CACNA2D1: variants seen among roughly 807,000 people sequenced by gnomAD.
CACNA2D1 encodes calcium voltage-gated channel auxiliary subunit alpha2delta 1.
CACNA2D1 carries 53 observed loss-of-function variants against 171.5 expected under a neutral mutation model. The observed-to-expected ratio is 0.31, with a 90% CI of 0.25 to 0.39. CACNA2D1 has a LOEUF of 0.39. CACNA2D1 is among the 10% of genes least tolerant of loss of function. CACNA2D1 has a pLI of 1.00. For missense variants in CACNA2D1, 903 were observed against 1,299.8 expected (o/e 0.69, Z 4.69); for synonymous variants, 442 against 443.1 (o/e 1.00, Z 0.03).
At chr7:82,013,116 C>A (rs559562095) in intron 14 of CACNA2D1, among the ~76,000 whole-genome samples, 1 of 151,994 alleles carries the variant, frequency 6.6e-6, no homozygotes, top group East Asian at 1.9e-4. Flanking sequence ...TACACAGTAC[C>A]TACAATTTGA....
intron 4 of CACNA2D1, among the ~76,000 whole-genome samples, chr7:82,152,794 A>G (rs1793993044): frequency 6.6e-6 from 1 of 152,000 alleles, no homozygotes; most frequent in African/African-American, 2.4e-5. Flanking sequence ...TCAAAACTGG[A>G]GTAACTCTTT....
At chr7:82,039,492 T>C (rs1430752335) in intron 10 of CACNA2D1, among the ~76,000 whole-genome samples, 2 of 152,194 alleles carry the variant, frequency 1.3e-5, no homozygotes, top group Non-Finnish European at 2.9e-5. Context: ...TGTAAATCAT[T>C]TCGTCTTTGC....
At chr7:82,082,277 C>G (rs1809893622) in intron 7 of CACNA2D1, among the ~76,000 whole-genome samples, 1 of 151,946 alleles carries the variant, frequency 6.6e-6, no homozygotes, top group Admixed American at 6.6e-5. Context: ...GTCACACTTC[C>G]AAGAAGAATG....
intron 1 of CACNA2D1, among the ~76,000 whole-genome samples, chr7:82,384,193 C>T (rs561428375): frequency 2.6e-5 from 4 of 152,142 alleles, no homozygotes; most frequent in Admixed American, 1.3e-4. Context: ...GGTTTGAATG[C>T]TGTAGACTGA....
At chr7:82,422,901 T>G (rs926713765) in intron 1 of CACNA2D1, among the ~76,000 whole-genome samples, 1 of 151,868 alleles carries the variant, frequency 6.6e-6, no homozygotes, top group African/African-American at 2.4e-5. Context: ...AAAAAAAAAT[T>G]TCCATGCATT....
intron 5 of CACNA2D1, among the ~76,000 whole-genome samples, chr7:82,121,806 A>C (rs1789769180): frequency 6.6e-6 from 1 of 152,216 alleles, no homozygotes; most frequent in Admixed American, 6.5e-5. Flanking sequence ...GATGAAGAAC[A>C]AATTATTTTA....
At chr7:82,021,308 T>A (rs1801179712) in intron 12 of CACNA2D1, 1 of 152,106 alleles carries the variant, frequency 6.6e-6, no homozygotes. Flanking sequence ...AAAAACTATG[T>A]GTTAGACTGA....
chr7:82,181,052 T>C, intron 3 of CACNA2D1, among the ~76,000 whole-genome samples: 1 of 115,772 alleles, frequency 8.6e-6, no homozygotes, highest in Non-Finnish European at 1.8e-5. Context: ...TTTTTTTTTT[T>C]TTTTTTTTTT....
intron 3 of CACNA2D1, among the ~76,000 whole-genome samples, chr7:82,287,754 A>C (rs1810991558): frequency 6.6e-6 from 1 of 152,206 alleles, no homozygotes; most frequent in Non-Finnish European, 1.5e-5. Flanking sequence ...TGAGAGAACA[A>C]ATTATCAGCC....
chr7:82,203,910 C>T lies in CACNA2D1; in HGVS notation c.295-33301G>A, dbSNP rs980909649. ...CCCCAAACTGGGACGCACAGACATC[C>T]ACTTTAGCAAAGTGGGGCACCTACT... On this transcript the variant is annotated intron_variant, in intron 3 of 38. Coordinates refer to ENST00000356860, the MANE Select transcript of CACNA2D1 (RefSeq NM_000722.4). Among the ~76,000 whole-genome samples the T allele has an allele frequency of 2.6e-5, 4 of 152,194 alleles. No homozygotes were observed. The East Asian group carries it at 7.7e-4, about 29-fold the overall frequency.
chr7:82,000,376 T>G (rs958798489), intron 18 of CACNA2D1, among the ~76,000 whole-genome samples: 1 of 152,150 alleles, frequency 6.6e-6, no homozygotes, highest in African/African-American at 2.4e-5. Flanking sequence ...ATATATATAT[T>G]TAATTTCCTA....
rs750526024 is a variant in CACNA2D1 at position 82,371,587 on chromosome 7, A to AT, written c.96-21939dup. On this transcript the variant is annotated intron_variant, in intron 1 of 38. Transcript: ENST00000356860. ...CCTAATTTTATTTTATTTTATTATT[A>AT]TTATTATTTTGCAACAGAGCTTCTC... 7.9e-3 allele frequency among the ~76,000 whole-genome samples: 1,199 copies of AT among 150,920 alleles called. 17 individuals are homozygous for AT. The highest frequency in any genetic ancestry group is 0.025 in the African/African-American group (1,018 of 40,974).
At chr7:82,111,428 G>GTGTGTA (rs1413914216) in intron 6 of CACNA2D1, among the ~76,000 whole-genome samples, 1,580 of 50,364 alleles carry the variant, frequency 0.031, 80 homozygotes, top group South Asian at 0.071. Context: ...ATATATGTGT[G>GTGTGTA]TATATATATA....
chr7:82,443,276 G>T, intron 1 of CACNA2D1, 89 bp downstream of exon 1: 1 of 1,356,374 alleles, frequency 7.4e-7, no homozygotes, highest in Non-Finnish European at 1.0e-6. Flanking sequence ...CCCACGGGCG[G>T]AAAAGCCCCG....
At chr7:81,995,004 T>C in intron 19 of CACNA2D1, 65 bp from the exon 20 acceptor site, 1 of 801,976 alleles carries the variant, frequency 1.2e-6, no homozygotes, top group South Asian at 1.4e-5. Context: ...ATATGACTAT[T>C]AACATGGTAG....
chr7:82,337,294 A>G (rs1369697407), intron 2 of CACNA2D1, among the ~76,000 whole-genome samples: 1 of 152,112 alleles, frequency 6.6e-6, no homozygotes, highest in Non-Finnish European at 1.5e-5. Context: ...TAATAAAAAT[A>G]AATTAAAATT....
intron 5 of CACNA2D1, among the ~76,000 whole-genome samples, chr7:82,126,579 GT>G (rs1256138653): frequency 2.6e-5 from 4 of 152,092 alleles, no homozygotes; most frequent in African/African-American, 9.7e-5. Flanking sequence ...AAGAATTAAT[GT>G]CTGCAGTGTT....
chr7:82,425,724 G>A (rs1024471169), intron 1 of CACNA2D1, among the ~76,000 whole-genome samples: 1 of 151,116 alleles, frequency 6.6e-6, no homozygotes, highest in Non-Finnish European at 1.5e-5. Flanking sequence ...GTAAAGGGAG[G>A]TCTCAAACTC....
chr7:82,138,449 G>GTTTT (rs5885271), intron 4 of CACNA2D1, among the ~76,000 whole-genome samples: 3 of 101,584 alleles, frequency 3.0e-5, no homozygotes, highest in African/African-American at 7.2e-5. Flanking sequence ...TGTTTTTTTT[G>GTTTT]TTTTTTTTTT....
Sources: gnomAD v4.1 joint callset for allele counts (sites outside exome capture counted in the v4.1 genomes callset) on GRCh38, gnomAD v4.1.1 for gene constraint, MANE v1.5 for transcripts, NCBI Gene and HGNC (gene_info 2026-07-23, HGNC 2026-07-21) for gene names.